Variants in DNAJC8 observed in about 807,000 individuals in gnomAD.
DNAJC8 encodes DnaJ heat shock protein family (Hsp40) member C8, also known as dnaJ homolog subfamily C member 8.
A neutral mutation model predicts 43.2 loss-of-function variants in DNAJC8; 24 were observed. The ratio of observed to expected loss-of-function variants is 0.56; its 90% CI spans 0.40 to 0.78. The LOEUF is 0.78. DNAJC8 is among the 30% of genes least tolerant of loss of function. DNAJC8 has a pLI of 0.00. For missense variants in DNAJC8, 207 were observed against 299.4 expected, an observed-to-expected ratio of 0.69 and a Z score of 2.28; for synonymous variants, 83 against 98.0, an observed-to-expected ratio of 0.85 and a Z score of 0.90.
chr1:28,221,011 T>C (rs958059535), intron 2 of DNAJC8, among the ~76,000 whole-genome samples: 4 of 151,654 alleles, frequency 2.6e-5, no homozygotes, highest in South Asian at 2.1e-4. Context: ...GAACTCAAAA[T>C]GTAACAGCCA....
At chr1:28,229,401 C>T (rs1646958488) in intron 1 of DNAJC8, among the ~76,000 whole-genome samples, 1 of 152,100 alleles carries the variant, frequency 6.6e-6, no homozygotes, top group African/African-American at 2.4e-5. Context: ...TAAGTCACAG[C>T]CTTTAAAGAA....
intron 3 of DNAJC8, among the ~76,000 whole-genome samples, chr1:28,214,428 G>T (rs528390538): frequency 6.6e-6 from 1 of 152,226 alleles, no homozygotes; most frequent in African/African-American, 2.4e-5. Flanking sequence ...CAGCTACCTG[G>T]GAGGCTGAGG....
intron 3 of DNAJC8, among the ~76,000 whole-genome samples, chr1:28,212,211 AT>A (rs1338120911): frequency 1.2e-4 from 14 of 115,654 alleles, no homozygotes; most frequent in Admixed American, 1.0e-3. Flanking sequence ...ATATATATAT[AT>A]ATAAATGAAA....
intron 2 of DNAJC8, among the ~76,000 whole-genome samples, chr1:28,216,658 A>T (rs1317577015): frequency 6.6e-6 from 1 of 151,996 alleles, no homozygotes; most frequent in Non-Finnish European, 1.5e-5. Context: ...AAAAACCTAA[A>T]ATAGCTATAA....
rs1374436839 is a variant in DNAJC8, at chr1:28,209,822, A to G, written c.399+150T>C. The G allele has an allele frequency of 6.2e-6, 4 of 645,924 alleles. No homozygotes were observed. In the East Asian group the frequency reaches 8.6e-5, roughly 14 times the overall value. 40.0% of individuals were successfully genotyped at this position (645,924 alleles called of 1,614,324 possible). A position where few individuals can be genotyped will look rare whatever the true frequency, so the allele number is the denominator to read the frequency against. ...TGAATTACAGCTTCAGGCACACACT[A>G]TTCATGACCACCACAGCAAAGTGGT... is the stretch of plus-strand genomic sequence containing the variant. On this transcript the variant is annotated intron_variant, in intron 5 of 8. Coordinates refer to ENST00000263697, the MANE Select transcript of DNAJC8 (RefSeq NM_014280.3).
chr1:28,209,340 C>T (rs529041299), intron 5 of DNAJC8, among the ~76,000 whole-genome samples: 1 of 152,178 alleles, frequency 6.6e-6, no homozygotes, highest in Admixed American at 6.5e-5. Flanking sequence ...GCAGCTCTTA[C>T]AAATGACCTC....
At chr1:28,206,960 A>G (rs2149015442) in intron 6 of DNAJC8, among the ~76,000 whole-genome samples, 1 of 152,294 alleles carries the variant, frequency 6.6e-6, no homozygotes, top group South Asian at 2.1e-4. Flanking sequence ...ATAGCTCAGT[A>G]TATTTAAAAG....
At chr1:28,203,165 A>G (rs906283891) in intron 8 of DNAJC8, among the ~76,000 whole-genome samples, 4 of 152,138 alleles carry the variant, frequency 2.6e-5, no homozygotes, top group African/African-American at 9.7e-5. Flanking sequence ...GTGCAACAGA[A>G]ACAAAGTCAT....
At chr1:28,217,449 C>T (rs917715377) in intron 2 of DNAJC8, among the ~76,000 whole-genome samples, 16 of 151,944 alleles carry the variant, frequency 1.1e-4, no homozygotes, top group African/African-American at 1.9e-4. Flanking sequence ...GGAGAAACCC[C>T]GTCTCTACTA....
At chr1:28,201,789 CA>C (rs113275288) in intron 8 of DNAJC8, among the ~76,000 whole-genome samples, 199 of 111,286 alleles carry the variant, frequency 1.8e-3, no homozygotes, top group Admixed American at 2.3e-3. Flanking sequence ...GACTTTGTAT[CA>C]AAAAAAAAAA....
intron 1 of DNAJC8, among the ~76,000 whole-genome samples, chr1:28,231,030 G>A (rs1295403079): frequency 1.3e-5 from 2 of 152,088 alleles, no homozygotes; most frequent in Admixed American, 6.6e-5. Flanking sequence ...TTTATGAAAC[G>A]CTTTCTTATA....
chr1:28,224,280 A>G (rs1646918568), intron 2 of DNAJC8, among the ~76,000 whole-genome samples: 1 of 151,972 alleles, frequency 6.6e-6, no homozygotes. Context: ...ACTTCTTTTT[A>G]TTTTTGAGAT....
intron 5 of DNAJC8, among the ~76,000 whole-genome samples, chr1:28,209,687 A>C (rs572430477): frequency 6.6e-6 from 1 of 152,296 alleles, no homozygotes; most frequent in East Asian, 1.9e-4. Context: ...GTAAGTGGCA[A>C]TATGTGATGA....
At chr1:28,231,966 A>C (rs1646978942) in intron 1 of DNAJC8, among the ~76,000 whole-genome samples, 1 of 151,912 alleles carries the variant, frequency 6.6e-6, no homozygotes. Flanking sequence ...ACGGGGTTTC[A>C]CCGTGGTCTC....
chr1:28,209,067 G>C (rs1268358631), intron 5 of DNAJC8, among the ~76,000 whole-genome samples: 1 of 152,182 alleles, frequency 6.6e-6, no homozygotes, highest in South Asian at 2.1e-4. Flanking sequence ...TGGTCAGGAA[G>C]CCTAAGGATG....
chr1:28,205,215 C>A (rs749486865), intron 7 of DNAJC8, 43 bp downstream of exon 7: 1 of 1,409,558 alleles, frequency 7.1e-7, no homozygotes, highest in East Asian at 2.3e-5. Flanking sequence ...GTTAGTTAAT[C>A]TAGGTATTTA....
intron 1 of DNAJC8, among the ~76,000 whole-genome samples, chr1:28,232,113 C>T (rs569718406): frequency 6.6e-6 from 1 of 151,792 alleles, no homozygotes; most frequent in African/African-American, 2.4e-5. Context: ...GTCTCACTCT[C>T]GCCAAAAATG....
intron 6 of DNAJC8, 149 bp from the exon 7 acceptor site, chr1:28,205,498 T>C: frequency 3.3e-6 from 2 of 597,424 alleles, no homozygotes; most frequent in South Asian, 4.3e-5. Context: ...TTCCAACACT[T>C]TGGAAGGCCA....
At chr1:28,207,772 T>G (rs61787030) in intron 6 of DNAJC8, among the ~76,000 whole-genome samples, 50,088 of 150,918 alleles carry the variant, frequency 0.33, 8,982 homozygotes, top group African/African-American at 0.46. Flanking sequence ...AAATAAAAAT[T>G]AGGCCGCGCA....
Sources: gnomAD v4.1 joint callset for allele counts (sites outside exome capture counted in the v4.1 genomes callset) on GRCh38, gnomAD v4.1.1 for gene constraint, MANE v1.5 for transcripts, NCBI Gene and HGNC (gene_info 2026-07-23, HGNC 2026-07-21) for gene names.